Variants in FRMPD3 observed in about 807,000 individuals in gnomAD.
FRMPD3 encodes FERM and PDZ domain-containing protein 3.
In FRMPD3, 42 loss-of-function variants were observed where a neutral mutation model predicts 97.9. The ratio of observed to expected loss-of-function variants is 0.43; its 90% CI spans 0.34 to 0.55. The LOEUF is 0.55. FRMPD3 is among the 20% of genes least tolerant of loss of function. FRMPD3 has a pLI of 0.03. For missense variants in FRMPD3, 1,303 were observed against 1,457.7 expected (o/e 0.89, Z 1.73); for synonymous variants, 577 against 581.1 (o/e 0.99, Z 0.10).
intron 1 of FRMPD3, among the ~76,000 whole-genome samples, chrX:107,526,161 T>G (rs1198466277): frequency 8.9e-6 from 1 of 112,293 alleles, no homozygotes; most frequent in African/African-American, 3.2e-5. Context: ...AACTTTACAT[T>G]TCTTCCGCCA....
chrX:107,581,300 A>G (rs920998008), intron 13 of FRMPD3, among the ~76,000 whole-genome samples: 2 of 110,189 alleles, frequency 1.8e-5, no homozygotes, highest in African/African-American at 6.6e-5. Flanking sequence ...TGGTAGAGAC[A>G]GGGTTTCACC....
intron 4 of FRMPD3, among the ~76,000 whole-genome samples, chrX:107,538,135 A>AT (rs1179448393): frequency 1.8e-5 from 2 of 111,610 alleles, no homozygotes; most frequent in Non-Finnish European, 1.9e-5. Flanking sequence ...TTTGAACTTC[A>AT]TTTTCTCTTT....
At chrX:107,560,219 T>G in intron 8 of FRMPD3, 38 bp from the exon 9 acceptor site, 1 of 1,203,090 alleles carries the variant, frequency 8.3e-7, no homozygotes, top group Non-Finnish European at 1.1e-6. Context: ...AAGGAATGTC[T>G]CCTTCAGCTG....
chrX:107,582,686 GT>G (rs1602846643), intron 13 of FRMPD3, among the ~76,000 whole-genome samples: 1 of 112,232 alleles, frequency 8.9e-6, no homozygotes, highest in African/African-American at 3.2e-5. Context: ...AATGTGAGAG[GT>G]TATTTGTGAA....
Position 107,597,482 on chromosome X carries a change from G to C in FRMPD3, c.1603G>C (p.Glu535Gln). 8.3e-7 allele frequency: 1 copy of C among 1,210,736 alleles called. No homozygotes were observed. The highest frequency in any genetic ancestry group is 1.1e-6 in the Non-Finnish European group (1 of 895,428). The part of the protein sequence containing the change: ...LVSFCYLHMR[E>Q]QRKEQESRTD... ...CAGCTTCTGCTACCTCCATATGCGG[G>C]AACAAAGGAAGGAGCAGGAAAGCCG... Residue 535 changes from glutamate to glutamine, a missense_variant, in exon 14 of 15, where the codon GAA becomes CAA. By Grantham distance (29) the Glu-to-Gln change is conservative. Around this residue, in one of 3 missense-constraint regions of FRMPD3, gnomAD observed 535 missense variants for 618.6 expected, o/e 0.86. Coordinates refer to ENST00000683843, the MANE Select transcript of FRMPD3 (RefSeq NM_001388459.1).
chrX:107,456,090 G>C (rs1931372833), intron 1 of FRMPD3, among the ~76,000 whole-genome samples: 1 of 110,290 alleles, frequency 9.1e-6, no homozygotes, highest in South Asian at 4.0e-4. Flanking sequence ...TTTAGAGACA[G>C]GGTCTCACTC....
In FRMPD3 at chrX:107,602,670, T is replaced by A. The variant is rs761112584; in HGVS notation, c.4631T>A (p.Val1544Glu). 3.2e-5 allele frequency: 39 copies of A among 1,208,731 alleles called. No homozygotes were observed. Among genetic ancestry groups the A allele is most frequent in the South Asian group, 8.8e-5 (5 of 56,885 alleles). The change falls in exon 15 of 15, where the codon GTG becomes GAG. Residue 1544 changes from valine (V) to glutamate (E), a missense_variant. This residue lies in a region of FRMPD3 where 764 missense variants were observed against 820.2 expected (regional missense o/e 0.93). Transcript: ENST00000683843. The part of the protein sequence containing the change: ...VVPVVSRTLQ[V>E]LDAATCSSSS... ...CCTGTGGTGAGCAGGACCCTGCAGG[T>A]GCTGGATGCTGCTACCTGCAGCAGC...
Position 107,505,394 on chromosome X carries a change from C to G in FRMPD3, c.-7-21188C>G, listed in dbSNP as rs147139838. On this transcript the variant is annotated intron_variant, in intron 1 of 14. Transcript: ENST00000683843. The stretch of plus-strand genomic sequence containing the variant: ...GCCCTGTAATTTTTCCACCTCCATG[C>G]AGACTCCCCTCCATGGAACCACAAA... 8.2e-3 allele frequency among the ~76,000 whole-genome samples: 920 copies of G among 111,741 alleles called. 14 individuals carry two copies. The highest frequency in any genetic ancestry group is 0.028 in the African/African-American group (871 of 30,712).
chrX:107,534,345 A>G (rs779715710), intron 4 of FRMPD3, among the ~76,000 whole-genome samples: 7 of 110,924 alleles, frequency 6.3e-5, no homozygotes, highest in Non-Finnish European at 1.3e-4. Flanking sequence ...CTGTCCCCTT[A>G]TTAATGTCCC....
At chrX:107,472,463 A>G (rs1027266579) in intron 1 of FRMPD3, among the ~76,000 whole-genome samples, 2 of 110,893 alleles carry the variant, frequency 1.8e-5, no homozygotes, top group Admixed American at 1.9e-4. Context: ...TCTTGAGTTA[A>G]TTTTTGTATA....
Position 107,596,732 on chromosome X carries a change from A to G in FRMPD3, c.1442-589A>G, listed in dbSNP as rs751332431. Among the ~76,000 whole-genome samples the G allele has an allele frequency of 4.5e-5, 5 of 112,336 alleles. No individual in the cohort carries two copies. The East Asian group carries it at 1.4e-3, about 31-fold the overall frequency. On this transcript the variant is annotated intron_variant, in intron 13 of 14. Coordinates refer to ENST00000683843, the MANE Select transcript of FRMPD3 (RefSeq NM_001388459.1). ...CACATTCAGACCCCGGAATTCTAAT[A>G]TAGAGCCTTATTCTTTTAGGATCCC...
At chrX:107,528,043 G>C (rs1922769448) in intron 2 of FRMPD3, among the ~76,000 whole-genome samples, 1 of 111,183 alleles carries the variant, frequency 9.0e-6, no homozygotes, top group Admixed American at 9.6e-5. Flanking sequence ...GCTGAAGGAA[G>C]CCCCCAGGCC....
chrX:107,595,166 A>C (rs1385817497), intron 13 of FRMPD3, among the ~76,000 whole-genome samples: 6 of 109,526 alleles, frequency 5.5e-5, no homozygotes, highest in Non-Finnish European at 1.1e-4. Flanking sequence ...AAAATACAAA[A>C]ATTAGCTGGG....
chrX:107,590,795 T>C (rs1923863723), intron 13 of FRMPD3, among the ~76,000 whole-genome samples: 1 of 112,930 alleles, frequency 8.9e-6, no homozygotes, highest in South Asian at 3.6e-4. Flanking sequence ...GAATTCAGCT[T>C]GCTGGTATTT....
chrX:107,487,689 G>C (rs1381061784), intron 1 of FRMPD3, among the ~76,000 whole-genome samples: 1 of 111,783 alleles, frequency 8.9e-6, no homozygotes, highest in Non-Finnish European at 1.9e-5. Context: ...TCCCACACCA[G>C]TTACACCAGA....
chrX:107,596,745 CT>C (rs1924190887), intron 13 of FRMPD3, among the ~76,000 whole-genome samples: 1 of 112,282 alleles, frequency 8.9e-6, no homozygotes, highest in Non-Finnish European at 1.9e-5. Flanking sequence ...GAGCCTTATT[CT>C]TTTAGGATCC....
chrX:107,536,680 G>C (rs1923253726), intron 4 of FRMPD3, among the ~76,000 whole-genome samples: 1 of 112,090 alleles, frequency 8.9e-6, no homozygotes, highest in Admixed American at 9.5e-5. Context: ...TGAGATAAAT[G>C]CCCAAGAGTA....
chrX:107,456,463 A>G (rs755225362), intron 1 of FRMPD3, among the ~76,000 whole-genome samples: 99 of 112,338 alleles, frequency 8.8e-4, no homozygotes, highest in Non-Finnish European at 1.5e-3. Context: ...TTCACCTATC[A>G]TGCCAAACAT....
intron 4 of FRMPD3, among the ~76,000 whole-genome samples, chrX:107,535,539 G>T (rs1209732864): frequency 9.1e-6 from 1 of 109,721 alleles, no homozygotes; most frequent in African/African-American, 3.3e-5. Flanking sequence ...CTGGGATGGT[G>T]GAACGCACCT....
Sources: allele counts gnomAD v4.1 joint callset (sites outside exome capture counted in the v4.1 genomes callset), GRCh38; gene constraint gnomAD v4.1.1; regional missense constraint gnomAD v4.1.1; transcripts MANE v1.5; gene names NCBI Gene and HGNC (gene_info 2026-07-23, HGNC 2026-07-21).